Variants in STXBP2 observed in about 807,000 individuals in gnomAD.
STXBP2 encodes syntaxin-binding protein 2.
A neutral mutation model predicts 72.2 loss-of-function variants in STXBP2; 47 were observed. That is an observed-to-expected ratio of 0.65 (90% CI 0.51 to 0.83). The LOEUF is 0.83. Ranked by LOEUF, STXBP2 falls within the 40% of genes least tolerant of loss-of-function variation. The pLI, the probability that STXBP2 is intolerant of heterozygous loss-of-function variation, is 0.00. For missense variants in STXBP2, 702 were observed against 807.6 expected, an observed-to-expected ratio of 0.87 and a Z score of 1.58; for synonymous variants, 367 against 338.7, an observed-to-expected ratio of 1.08 and a Z score of -0.92.
the STXBP2 span, chr19:7,630,588 A>C: frequency 2.0e-6 from 3 of 1,537,010 alleles, no homozygotes; most frequent in Non-Finnish European, 2.6e-6. Context: ...AATCTACCTC[A>C]CTTTCCCTGT....
chr19:7,639,657 C>T, intron 3 of STXBP2, 74 bp from the exon 4 acceptor site: 3 of 1,444,688 alleles, frequency 2.1e-6, no homozygotes, highest in Non-Finnish European at 2.9e-6. Flanking sequence ...GCCTCCAACC[C>T]CCCACACCTG....
intron 6 of STXBP2, chr19:7,641,294 C>T (rs566044450): frequency 4.5e-5 from 23 of 508,646 alleles, no homozygotes; most frequent in African/African-American, 2.3e-4. Context: ...CGCTTGAGCC[C>T]GGGAGGTCGA....
upstream of STXBP2, chr19:7,633,087 G>A (rs901081646): frequency 1.2e-4 from 149 of 1,220,946 alleles, 2 homozygotes; most frequent in South Asian, 1.6e-3. Context: ...GACAGGCTCC[G>A]ATGCGTGTCC....
Position 7,647,234 on chromosome 19 carries a change from C to G in STXBP2, c.1525C>G (p.Gln509Glu), listed in dbSNP as rs760061071. Residue 509 changes from glutamine (Q) to glutamate (E), a missense_variant, in exon 17 of 19, where the codon CAG becomes GAG. Transcript: ENST00000221283. ...VSDPAPTASS[Q>E]AAVSARFGHW... ...CGACCCCGCCCCCACGGCCAGCTCC[C>G]AGGCCGCTGTCAGGTGAGGCCCCGG... 3 of 1,611,346 alleles carry G rather than the reference C, an allele frequency of 1.9e-6. No homozygotes were observed. In the African/African-American group the frequency reaches 4.0e-5, roughly 22 times the overall value.
rs760600754 is a variant in STXBP2 at position 7,647,738 on chromosome 19, C to T, written c.1710C>T (p.Ile570=). The change falls in exon 19 of 19, where the codon ATC becomes ATT. Residue 570 remains isoleucine (I), a synonymous_variant. Coordinates refer to ENST00000221283, the MANE Select transcript of STXBP2 (RefSeq NM_006949.4). ...GCCCCTGCACAGGCTCCTCACACAT[C>T]CTCACCCCGACCCGCTTCCTGGATG... ...KWEVLIGSSH[I]LTPTRFLDDL... 5 of 1,614,126 alleles carry T rather than the reference C, an allele frequency of 3.1e-6. No individual in the cohort carries two copies. Among genetic ancestry groups the T allele is most frequent in the South Asian group, 1.1e-5 (1 of 91,090 alleles).
rs767096595 is a variant in STXBP2, at chr19:7,642,042, A to G, written c.587A>G (p.Glu196Gly). 3 of 1,614,060 alleles carry G rather than the reference A, an allele frequency of 1.9e-6. No individual in the cohort carries two copies. The highest frequency in any genetic ancestry group is 2.5e-6 in the Non-Finnish European group (3 of 1,179,966). ...YPAIRYRKGP[E>G]DTAQLAHAVL... ...TCTGACCTCCCCGCCAGGGGCCCAG[A>G]GGACACAGCCCAGTTGGCCCACGCC... Residue 196 changes from glutamate (E) to glycine (G), a missense_variant, in exon 8 of 19, where the codon GAG (glutamate) becomes GGG (glycine). Glu to Gly is a moderately conservative substitution (Grantham distance 98). Transcript: ENST00000221283. This position sits in a 1 kb window ranked among gnomAD's most constrained non-coding sequence, Gnocchi z 6.0.
chr19:7,646,460 T>G, intron 16 of STXBP2, 116 bp downstream of exon 16: 6 of 987,472 alleles, frequency 6.1e-6, no homozygotes, highest in Non-Finnish European at 9.4e-6. Context: ...ATTGCTGGCA[T>G]TCCCTTGGCA....
upstream of STXBP2, chr19:7,636,283 G>A (rs2031530543): frequency 6.6e-6 from 1 of 152,152 alleles, no homozygotes; most frequent in East Asian, 1.9e-4. Flanking sequence ...TTAAATCGGA[G>A]ACCTCATTTT....
chr19:7,641,047 C>T, intron 6 of STXBP2, 44 bp downstream of exon 6: 1 of 1,588,518 alleles, frequency 6.3e-7, no homozygotes, highest in East Asian at 2.2e-5. Flanking sequence ...GGGTTTGTGA[C>T]CAAATGTCCC....
chr19:7,638,319 G>T (rs1483093898), intron 1 of STXBP2, among the ~76,000 whole-genome samples: 1 of 152,216 alleles, frequency 6.6e-6, no homozygotes, highest in Non-Finnish European at 1.5e-5. Context: ...AAAAATAAAT[G>T]ATTCCTGTGC....
At chr19:7,640,552 A>G (rs978557095) in intron 4 of STXBP2, 179 bp from the exon 5 acceptor site, 1 of 735,882 alleles carries the variant, frequency 1.4e-6, no homozygotes, top group Non-Finnish European at 2.4e-6. Context: ...GCGTGCGTGC[A>G]TCTGTGTGTG....
chr19:7,636,610 T>C (rs777807606), upstream of STXBP2: 62 of 149,508 alleles, frequency 4.1e-4, no homozygotes, highest in African/African-American at 1.2e-3. Flanking sequence ...GGTCGGAACA[T>C]TGGGCAGGAC....
chr19:7,635,417 G>A (rs1329083730), upstream of STXBP2, among the ~76,000 whole-genome samples: 4 of 152,216 alleles, frequency 2.6e-5, no homozygotes, highest in Admixed American at 2.0e-4. Flanking sequence ...GGAAGGGGCA[G>A]GGTGCGGTGG....
In STXBP2 at chr19:7,645,286, G is replaced by A. The variant is rs572243564; in HGVS notation, c.1336G>A (p.Gly446Ser). 3.8e-6 allele frequency: 6 copies of A among 1,586,780 alleles called. No individual in the cohort carries two copies. The South Asian group carries it at 5.7e-5, about 15-fold the overall frequency. ...CATCCGTAACCTGGAGCAGCTGGGA[G>A]GCACTGTCACCAACCCCGGGGTACG... ...SLIRNLEQLG[G>S]TVTNPGGSGT... The change falls in exon 15 of 19, where the codon GGC becomes AGC. Residue 446 changes from glycine to serine, a missense_variant. Transcript: ENST00000221283.
the STXBP2 span, chr19:7,630,934 G>T: frequency 1.4e-6 from 2 of 1,476,692 alleles, no homozygotes; most frequent in South Asian, 2.4e-5. Context: ...TTTAGGCCAG[G>T]CGCAGTGGCT....
upstream of STXBP2, chr19:7,632,155 C>A: frequency 1.5e-6 from 1 of 658,788 alleles, no homozygotes; most frequent in Non-Finnish European, 2.5e-6. The surrounding 1 kb of genome is among the most constrained non-coding windows in gnomAD (Gnocchi z 5.2). Flanking sequence ...CTCCCCAGAA[C>A]CTTCAGACTT....
At chr19:7,645,007 C>T in intron 14 of STXBP2, 190 bp from the exon 15 acceptor site, 2 of 1,450,288 alleles carry the variant, frequency 1.4e-6, no homozygotes, top group Non-Finnish European at 1.8e-6. Context: ...CTCAGCTCAT[C>T]TGGAGGAGCC....
chr19:7,637,615 A>G (rs1174536785), intron 1 of STXBP2, among the ~76,000 whole-genome samples: 1 of 152,114 alleles, frequency 6.6e-6, no homozygotes, highest in Non-Finnish European at 1.5e-5. Flanking sequence ...GGACGTGTCC[A>G]GGCCCCACAG....
At chr19:7,639,308 G>T in intron 3 of STXBP2, 1 of 659,762 alleles carries the variant, frequency 1.5e-6, no homozygotes, top group Non-Finnish European at 2.7e-6. Context: ...ATGGATTGCA[G>T]GCCTCCCCTG....
Sources: gnomAD v4.1 joint callset for allele counts (sites outside exome capture counted in the v4.1 genomes callset) on GRCh38, gnomAD v4.1.1 for gene constraint, Gnocchi (gnomAD v3.1) non-coding constraint, MANE v1.5 for transcripts, NCBI Gene and HGNC (gene_info 2026-07-23, HGNC 2026-07-21) for gene names.